Variants in FBXL13 observed in about 807,000 individuals in gnomAD.
The protein encoded by FBXL13 is F-box and leucine-rich repeat protein 13.
FBXL13 carries 67 observed loss-of-function variants against 83.6 expected under a neutral mutation model. The ratio of observed to expected loss-of-function variants is 0.80; its 90% confidence interval spans 0.66 to 0.98. FBXL13 has a LOEUF of 0.98. Among genes scored for constraint, FBXL13 ranks in the 50% least tolerant of loss-of-function variants. The pLI is 0.00. For missense variants in FBXL13, 822 were observed against 866.5 expected (o/e 0.95, Z 0.64); for synonymous variants, 272 against 299.5 (o/e 0.91, Z 0.95).
chr7:102,889,947 C>T (rs1222384270), intron 11 of FBXL13, among the ~76,000 whole-genome samples: 2 of 151,108 alleles, frequency 1.3e-5, no homozygotes, highest in Non-Finnish European at 2.9e-5. Context: ...GTGATCCTTA[C>T]AACACAGCCC....
intron 17 of FBXL13, among the ~76,000 whole-genome samples, chr7:102,838,140 G>C (rs1802321125): frequency 6.6e-6 from 1 of 152,124 alleles, no homozygotes. Context: ...CACAGTCTGG[G>C]GGCCCACTGG....
At chr7:102,909,092 G>A (rs1238919043) in intron 11 of FBXL13, among the ~76,000 whole-genome samples, 1 of 152,220 alleles carries the variant, frequency 6.6e-6, no homozygotes, top group Non-Finnish European at 1.5e-5. Flanking sequence ...CACTGCGGCT[G>A]AGCTGGCATG....
intron 5 of FBXL13, among the ~76,000 whole-genome samples, chr7:103,025,535 A>G (rs1179962636): frequency 2.0e-5 from 3 of 152,208 alleles, no homozygotes; most frequent in African/African-American, 7.2e-5. Context: ...GGCTCTGGCA[A>G]TGATAAAACT....
chr7:102,823,700 GT>G (rs1242297578), intron 18 of FBXL13, among the ~76,000 whole-genome samples: 2 of 152,166 alleles, frequency 1.3e-5, no homozygotes, highest in African/African-American at 4.8e-5. Context: ...TATTTTAAAT[GT>G]TTGAACATTC....
chr7:102,820,477 A>G (rs1183502962), intron 19 of FBXL13, among the ~76,000 whole-genome samples: 2 of 152,110 alleles, frequency 1.3e-5, no homozygotes, highest in Non-Finnish European at 2.9e-5. Flanking sequence ...TTTTGCACGT[A>G]TATTTTTTAA....
At chr7:103,061,871 G>C (rs1797940444) in intron 1 of FBXL13, among the ~76,000 whole-genome samples, 1 of 149,340 alleles carries the variant, frequency 6.7e-6, no homozygotes, top group Admixed American at 6.7e-5. Context: ...TCAGGAGGCG[G>C]AGCTTGCAGT....
chr7:102,857,932 A>G (rs11973870), intron 16 of FBXL13, among the ~76,000 whole-genome samples: 28,947 of 152,118 alleles, frequency 0.19, 3,024 homozygotes, highest in East Asian at 0.43. Flanking sequence ...CATATGATCC[A>G]GCAATCTCAC....
At chr7:102,866,101 C>T (rs1316603297) in intron 16 of FBXL13, among the ~76,000 whole-genome samples, 1 of 152,168 alleles carries the variant, frequency 6.6e-6, no homozygotes, top group Non-Finnish European at 1.5e-5. Context: ...TTGATCACCA[C>T]ACAGACATAG....
At chr7:102,831,431 A>ACACACACACACCCCCCC (rs1033135095) in intron 18 of FBXL13, among the ~76,000 whole-genome samples, 1 of 147,126 alleles carries the variant, frequency 6.8e-6, no homozygotes, top group African/African-American at 2.5e-5. Flanking sequence ...ACACACACAC[A>ACACACACACACCCCCCC]CCCCACTACA....
At chr7:103,032,067 T>C (rs906625496) in intron 2 of FBXL13, among the ~76,000 whole-genome samples, 2 of 152,260 alleles carry the variant, frequency 1.3e-5, no homozygotes, top group South Asian at 4.2e-4. Context: ...GCACACACAC[T>C]AGTTTCAAGG....
At chr7:102,898,282 G>A (rs1301428185) in intron 11 of FBXL13, among the ~76,000 whole-genome samples, 1 of 151,928 alleles carries the variant, frequency 6.6e-6, no homozygotes, top group Non-Finnish European at 1.5e-5. Context: ...AAACAAAAAT[G>A]TCTGCTGTGT....
intron 6 of FBXL13, among the ~76,000 whole-genome samples, chr7:103,002,223 T>C (rs1042838490): frequency 3.3e-5 from 5 of 152,322 alleles, no homozygotes; most frequent in Non-Finnish European, 7.4e-5. Flanking sequence ...AAAAATCTTA[T>C]AGAAATGGCA....
At chr7:102,864,616 T>G (rs558758389) in intron 16 of FBXL13, among the ~76,000 whole-genome samples, 9 of 152,094 alleles carry the variant, frequency 5.9e-5, no homozygotes, top group African/African-American at 2.2e-4. Context: ...TAATCCACCC[T>G]CCTTGACCTC....
intron 6 of FBXL13, among the ~76,000 whole-genome samples, chr7:103,019,554 T>C (rs1235487434): frequency 6.6e-6 from 1 of 151,924 alleles, no homozygotes; most frequent in Non-Finnish European, 1.5e-5. Context: ...TTGAAAAGAC[T>C]AACAAAATTG....
chr7:102,938,289 C>T (rs114867119), intron 8 of FBXL13, among the ~76,000 whole-genome samples: 5 of 152,218 alleles, frequency 3.3e-5, no homozygotes, highest in African/African-American at 1.2e-4. Context: ...AGGTAAATTA[C>T]CCTTAGCTGC....
intron 16 of FBXL13, among the ~76,000 whole-genome samples, chr7:102,855,615 G>T (rs903159985): frequency 3.3e-5 from 5 of 151,948 alleles, no homozygotes; most frequent in Admixed American, 6.6e-5. Flanking sequence ...TAAACTAGGT[G>T]GACAAGAGCA....
intron 2 of FBXL13, chr7:103,055,174 T>C (rs1200108101): frequency 1.6e-6 from 2 of 1,282,680 alleles, no homozygotes; most frequent in South Asian, 1.3e-5. Flanking sequence ...GTAATGCACA[T>C]ATCCCTTTAA....
At chr7:102,989,633 G>C (rs191630667) in intron 6 of FBXL13, among the ~76,000 whole-genome samples, 1 of 152,352 alleles carries the variant, frequency 6.6e-6, no homozygotes, top group Admixed American at 6.5e-5. Context: ...CAGTTGTTCA[G>C]CTGTGCAGTG....
At chr7:103,034,240 C>T (rs1794834581) in intron 2 of FBXL13, among the ~76,000 whole-genome samples, 1 of 152,170 alleles carries the variant, frequency 6.6e-6, no homozygotes, top group South Asian at 2.1e-4. Flanking sequence ...TGCCGTGTGC[C>T]CACACTCCTC....
Sources: gnomAD v4.1 joint callset for allele counts (sites outside exome capture counted in the v4.1 genomes callset) on GRCh38, gnomAD v4.1.1 for gene constraint, MANE v1.5 for transcripts, NCBI Gene and HGNC (gene_info 2026-07-23, HGNC 2026-07-21) for gene names.